Variants in SPTBN2 observed in about 807,000 individuals in gnomAD.
SPTBN2 encodes spectrin beta, non-erythrocytic 2.
Under a neutral mutation model 284.2 loss-of-function variants are expected in SPTBN2, and 107 were observed. The ratio of observed to expected loss-of-function variants is 0.38; its 90% CI spans 0.32 to 0.44. The LOEUF (loss-of-function observed/expected upper bound fraction) is 0.44. SPTBN2 is among the 20% of genes least tolerant of loss of function. The pLI is 1.00. For missense variants in SPTBN2, 2,569 were observed against 3,287.1 expected (o/e 0.78, Z 5.34); for synonymous variants, 1,289 against 1,354.8 (o/e 0.95, Z 1.07).
In SPTBN2 at chr11:66,708,208, G is replaced by A. The variant is rs1415601783; in HGVS notation, c.1283C>T (p.Ala428Val). The A allele has an allele frequency of 1.2e-6, 2 of 1,611,880 alleles. No homozygotes were observed. Among genetic ancestry groups the A allele is most frequent in the Non-Finnish European group, 1.7e-6 (2 of 1,179,150 alleles). Reference sequence around the variant, plus strand: ...CATGGCAGCCTTGCGGTCGAAGCGGGCGGCCAGCTGCTCCAGCTTCTCCTG... The same window carrying A: ...CATGGCAGCCTTGCGGTCGAAGCGGACGGCCAGCTGCTCCAGCTTCTCCTG... The part of the protein sequence containing the change: ...IRQEKLEQLA[A>V]RFDRKAAMRE... The change falls in exon 12 of 38, where the codon GCC becomes GTC. Residue 428 changes from alanine to valine, a missense_variant. Physicochemically the swap from Ala to Val is moderately conservative, Grantham distance 64 (BLOSUM62 0). This residue lies in a region of SPTBN2 where 1,012 missense variants were observed against 1,248.9 expected (regional missense o/e 0.81). Transcript: ENST00000533211. This position sits in a 1 kb window ranked among gnomAD's most constrained non-coding sequence, Gnocchi z 4.4.
At chr11:66,716,546 C>A (rs937447682) in intron 3 of SPTBN2, among the ~76,000 whole-genome samples, 1 of 152,004 alleles carries the variant, frequency 6.6e-6, no homozygotes, top group African/African-American at 2.4e-5. Flanking sequence ...GACCTTTCAT[C>A]CTCAGAAACC....
chr11:66,687,205 G>T lies in SPTBN2; in HGVS notation c.6723-38C>A, dbSNP rs1459682972. On this transcript the variant is annotated intron_variant, in intron 35 of 37. Coordinates refer to ENST00000533211, the MANE Select transcript of SPTBN2 (RefSeq NM_006946.4). The surrounding 1 kb of genome is among the most constrained non-coding windows in gnomAD (Gnocchi z 5.2). Reference sequence around the variant, plus strand: ...CGGTGCTGACTGGCCGGCCTCAGTGGCGCCCGCAACCTGGAGCCCTCTTGG... The same window carrying T: ...CGGTGCTGACTGGCCGGCCTCAGTGTCGCCCGCAACCTGGAGCCCTCTTGG... 3.1e-6 allele frequency: 5 copies of T among 1,611,188 alleles called. No individual in the cohort carries two copies. Among genetic ancestry groups the T allele is most frequent in the Non-Finnish European group, 4.2e-6 (5 of 1,179,642 alleles).
At chr11:66,720,424 C>A (rs1362236472) in intron 3 of SPTBN2, among the ~76,000 whole-genome samples, 1 of 152,196 alleles carries the variant, frequency 6.6e-6, no homozygotes, top group African/African-American at 2.4e-5. Context: ...GTTGCCATGA[C>A]AACTCCTCCC....
rs576383646 is a variant in SPTBN2, at chr11:66,720,795, G to A, written c.157+289C>T. On this transcript the variant is annotated intron_variant, in intron 3 of 37. Coordinates refer to ENST00000533211, the MANE Select transcript of SPTBN2 (RefSeq NM_006946.4). ...AGAGCGAGAGTGCCGAAGGATGAAG[G>A]GACATGACCCGGGGGCTGAGGCCAG... Among the ~76,000 whole-genome samples the A allele has an allele frequency of 1.2e-3, 184 of 152,294 alleles. 3 individuals are homozygous for A. Among genetic ancestry groups the A allele is most frequent in the African/African-American group, 3.5e-3 (147 of 41,554 alleles).
rs1232022952 is a variant in SPTBN2 at position 66,703,962 on chromosome 11, TATTTC to T, written c.2678+631_2678+635del. On this transcript the variant is annotated intron_variant, in intron 15 of 37. Coordinates refer to ENST00000533211, the MANE Select transcript of SPTBN2 (RefSeq NM_006946.4). ...TATTGTAGGTAAGAATGCTTCCTCG[TATTTC>T]TTTTCTTTTTTTTTTTTTTTTTTTT... Among the ~76,000 whole-genome samples the T allele has an allele frequency of 8.1e-5, 12 of 149,018 alleles. 1 individual carries two copies. The South Asian group carries it at 1.9e-3, about 24-fold the overall frequency.
At chr11:66,699,254 C>T in intron 18 of SPTBN2, 152 bp downstream of exon 18, 1 of 1,252,292 alleles carries the variant, frequency 8.0e-7, no homozygotes, top group Non-Finnish European at 1.1e-6. Context: ...TGGAATCTCC[C>T]AGCCCTCTCC....
intron 1 of SPTBN2, among the ~76,000 whole-genome samples, chr11:66,742,628 TAGAC>T (rs1565167546): frequency 1.3e-5 from 2 of 151,998 alleles, no homozygotes; most frequent in African/African-American, 4.8e-5. Flanking sequence ...TTTTTTTTTT[TAGAC>T]AGAGTCTCAC....
Position 66,696,278 on chromosome 11 carries a change from T to G in SPTBN2, c.4277A>C (p.Gln1426Pro). 1 of 1,611,262 alleles carries G rather than the reference T, an allele frequency of 6.2e-7. No individual in the cohort carries two copies. Among genetic ancestry groups the G allele is most frequent in the Non-Finnish European group, 8.5e-7 (1 of 1,179,978 alleles). The change falls in exon 21 of 38, where the codon CAG becomes CCG. Residue 1426 changes from glutamine (Q) to proline (P), a missense_variant and splice_region_variant. Transcript: ENST00000533211. ...CCCCATCAAAGGCCCACAGCACACC[T>G]GCTGCTTCTTGAGCAGGATGTTGAC... ...TSVNILLKKQ[Q>P]MLEWEMAVRE...
At chr11:66,727,173 C>T (rs1199032705) in intron 1 of SPTBN2, among the ~76,000 whole-genome samples, 1 of 152,218 alleles carries the variant, frequency 6.6e-6, no homozygotes, top group Non-Finnish European at 1.5e-5. Context: ...ATCTTCTCCT[C>T]GGCCAATCCT....
chr11:66,737,872 A>G (rs1424273646), intron 1 of SPTBN2, among the ~76,000 whole-genome samples: 1 of 152,204 alleles, frequency 6.6e-6, no homozygotes, highest in Non-Finnish European at 1.5e-5. Flanking sequence ...GTTGAAAAAA[A>G]TATTGCTTCT....
intron 15 of SPTBN2, among the ~76,000 whole-genome samples, chr11:66,703,368 C>T (rs1941349094): frequency 6.6e-6 from 1 of 152,090 alleles, no homozygotes; most frequent in Non-Finnish European, 1.5e-5. Flanking sequence ...AGGTGTGAGC[C>T]ACCAGGCCTG....
chr11:66,704,608 C>G lies in SPTBN2; in HGVS notation c.2668G>C (p.Val890Leu). Residue 890 changes from valine to leucine, a missense_variant, in exon 15 of 38, where the codon GTG becomes CTG. By Grantham distance (32) the Val-to-Leu change is conservative (BLOSUM62 1). This residue lies in a region of SPTBN2 where 1,012 missense variants were observed against 1,248.9 expected (regional missense o/e 0.81). Transcript: ENST00000533211. The part of the protein sequence containing the change: ...LPERLEDLEV[V>L]QQRFETLEPE... ...GCCTGAGGGGCCTACCTCTGCTGCACGACCTCCAGGTCCTCCAGGCGTTCA... is the reference window on the plus strand; with the variant it reads ...GCCTGAGGGGCCTACCTCTGCTGCAGGACCTCCAGGTCCTCCAGGCGTTCA... 1 of 1,611,764 alleles carries G rather than the reference C, an allele frequency of 6.2e-7. No homozygotes were observed.
intron 8 of SPTBN2, among the ~76,000 whole-genome samples, chr11:66,712,258 C>T (rs1428873765): frequency 1.3e-5 from 2 of 152,170 alleles, no homozygotes; most frequent in Non-Finnish European, 2.9e-5. Context: ...CAAATAAGAG[C>T]CTAATCGCAG....
upstream of SPTBN2, among the ~76,000 whole-genome samples, chr11:66,733,838 C>T (rs1276984949): frequency 6.6e-6 from 1 of 151,906 alleles, no homozygotes; most frequent in African/African-American, 2.4e-5. Flanking sequence ...ATTAGCCGGG[C>T]GCGGTGGCAG....
Position 66,721,344 on chromosome 11 carries a change from C to A in SPTBN2, c.-23+6G>T. 6.8e-7 allele frequency: 1 copy of A among 1,467,268 alleles called. No homozygotes were observed. The highest frequency in any genetic ancestry group is 1.1e-5 in the South Asian group (1 of 87,622). 90.9% of individuals were successfully genotyped at this position (1,467,268 alleles called of 1,614,324 possible). The stretch of plus-strand genomic sequence containing the variant: ...ACCACCGGGGCCTTCTGTCTTCTTG[C>A]CCTACCTGTGCTCCGCTCTCCTTGT... On this transcript the variant is annotated splice_donor_region_variant and intron_variant, in intron 2 of 37. Transcript: ENST00000533211.
chr11:66,726,025 T>C (rs940976077), intron 1 of SPTBN2, among the ~76,000 whole-genome samples: 2 of 152,222 alleles, frequency 1.3e-5, no homozygotes, highest in South Asian at 4.1e-4. Flanking sequence ...GGTTAGTTGT[T>C]TACGTGTCTC....
chr11:66,708,088 G>GTC lies in SPTBN2; in HGVS notation c.1350+51_1350+52dup. The stretch of plus-strand genomic sequence containing the variant: ...CCCCGCGGGGCTTCTTATCCACCCT[G>GTC]TCTCTCTCCCAGTTCTGACCAGCCT... On this transcript the variant is annotated intron_variant, in intron 12 of 37. Coordinates refer to ENST00000533211, the MANE Select transcript of SPTBN2 (RefSeq NM_006946.4). This position sits in a 1 kb window ranked among gnomAD's most constrained non-coding sequence, Gnocchi z 4.4. 1 of 1,609,940 alleles carries GTC rather than the reference G, an allele frequency of 6.2e-7. No individual in the cohort carries two copies. Among genetic ancestry groups the GTC allele is most frequent in the Non-Finnish European group, 8.5e-7 (1 of 1,177,402 alleles).
intron 1 of SPTBN2, among the ~76,000 whole-genome samples, chr11:66,738,601 C>T (rs57220229): frequency 0.056 from 8,444 of 151,956 alleles, 326 homozygotes; most frequent in East Asian, 0.12. Context: ...CTATAACCTG[C>T]ACCTCTCGGG....
intron 1 of SPTBN2, among the ~76,000 whole-genome samples, chr11:66,737,213 A>AG (rs141903097): frequency 6.6e-6 from 1 of 152,184 alleles, no homozygotes; most frequent in Non-Finnish European, 1.5e-5. Context: ...AAAATGTTAA[A>AG]GGGGGAGATT....
Sources: gnomAD v4.1 joint callset for allele counts (sites outside exome capture counted in the v4.1 genomes callset) on GRCh38, gnomAD v4.1.1 for gene constraint, gnomAD v4.1.1 regional missense constraint, Gnocchi (gnomAD v3.1) non-coding constraint, MANE v1.5 for transcripts, NCBI Gene and HGNC (gene_info 2026-07-23, HGNC 2026-07-21) for gene names.